ATF1: variants seen among roughly 807,000 people sequenced by gnomAD.
The protein encoded by ATF1 is cyclic AMP-dependent transcription factor ATF-1.
Under a neutral mutation model 34.7 loss-of-function variants are expected in ATF1, and 16 were observed. The observed-to-expected ratio is 0.46, with a 90% CI of 0.31 to 0.70. The LOEUF is 0.70. Among genes scored for constraint, ATF1 ranks in the 30% least tolerant of loss-of-function variants. The pLI, the probability that ATF1 is intolerant of heterozygous loss-of-function variation, is 0.05. For synonymous variants in ATF1, 105 were observed against 113.1 expected (o/e 0.93, Z 0.46); for missense variants, 255 against 321.6 (o/e 0.79, Z 1.58).
intron 3 of ATF1, among the ~76,000 whole-genome samples, chr12:50,805,487 G>C (rs551946552): frequency 6.8e-6 from 1 of 146,804 alleles, no homozygotes; most frequent in South Asian, 2.2e-4. Flanking sequence ...GAGCCTGGGA[G>C]ATCAAGGCTG....
intron 4 of ATF1, among the ~76,000 whole-genome samples, chr12:50,812,104 T>C (rs1023729651): frequency 2.0e-5 from 3 of 152,212 alleles, no homozygotes; most frequent in African/African-American, 7.2e-5. Context: ...ATGGAGCTAA[T>C]ACCCTATCAG....
intron 4 of ATF1, 109 bp from the exon 5 acceptor site, chr12:50,813,901 A>T (rs1407392042): frequency 9.9e-7 from 1 of 1,009,798 alleles, no homozygotes; most frequent in Non-Finnish European, 1.4e-6. Context: ...ACCAAGTAGA[A>T]GTGCATTCAT....
chr12:50,799,938 A>ACTT (rs1941481778), intron 3 of ATF1, among the ~76,000 whole-genome samples: 1 of 152,236 alleles, frequency 6.6e-6, no homozygotes, highest in African/African-American at 2.4e-5. Flanking sequence ...CAGAAAAAAT[A>ACTT]CTTGAAAAAA....
intron 3 of ATF1, chr12:50,806,296 C>T (rs930890845): frequency 3.5e-5 from 13 of 366,746 alleles, no homozygotes; most frequent in Non-Finnish European, 5.9e-5. Flanking sequence ...CGCAGCACAA[C>T]TTATCCTGTT....
intron 3 of ATF1, among the ~76,000 whole-genome samples, chr12:50,805,033 G>A (rs947726510): frequency 2.6e-5 from 4 of 151,710 alleles, no homozygotes; most frequent in Non-Finnish European, 4.4e-5. Flanking sequence ...GGCTGGTTTC[G>A]AGCTCCTGTT....
intron 1 of ATF1, among the ~76,000 whole-genome samples, chr12:50,767,287 G>T (rs1166832175): frequency 6.6e-6 from 1 of 152,106 alleles, no homozygotes; most frequent in Non-Finnish European, 1.5e-5. Context: ...GGAGGCTGAG[G>T]CTGGTGGATC....
chr12:50,814,569 A>G, intron 6 of ATF1, 130 bp downstream of exon 6: 2 of 1,031,098 alleles, frequency 1.9e-6, no homozygotes, highest in Non-Finnish European at 2.8e-6. Context: ...TGGACCACAT[A>G]AATGAATGAC....
intron 2 of ATF1, chr12:50,788,139 A>G: frequency 2.3e-6 from 1 of 431,424 alleles, no homozygotes; most frequent in Non-Finnish European, 4.6e-6. Flanking sequence ...AATGTGGCTG[A>G]TAGGTCAAAT....
At chr12:50,812,182 T>C (rs1352056766) in intron 4 of ATF1, among the ~76,000 whole-genome samples, 1 of 152,222 alleles carries the variant, frequency 6.6e-6, no homozygotes, top group Non-Finnish European at 1.5e-5. Flanking sequence ...CAGGAAGATA[T>C]GTTGCAAAAA....
intron 1 of ATF1, among the ~76,000 whole-genome samples, chr12:50,764,833 G>C (rs757441688): frequency 6.6e-6 from 1 of 152,258 alleles, no homozygotes; most frequent in Non-Finnish European, 1.5e-5. Flanking sequence ...ACCGACGCAC[G>C]GGCATTGCGC....
intron 2 of ATF1, chr12:50,788,258 C>T (rs946182341): frequency 6.6e-6 from 3 of 452,770 alleles, no homozygotes; most frequent in African/African-American, 6.0e-5. Context: ...ACATAGCTCA[C>T]TGCAGCCTTG....
intron 1 of ATF1, among the ~76,000 whole-genome samples, chr12:50,765,436 C>T (rs1256630656): frequency 6.6e-6 from 1 of 152,186 alleles, no homozygotes; most frequent in African/African-American, 2.4e-5. Context: ...CTGTCCATTC[C>T]TACCCGATCA....
intron 2 of ATF1, among the ~76,000 whole-genome samples, chr12:50,785,093 G>C (rs1035839646): frequency 6.9e-6 from 1 of 145,606 alleles, no homozygotes; most frequent in African/African-American, 2.6e-5. Flanking sequence ...AGCCAAGATT[G>C]ACGTCACAGT....
intron 6 of ATF1, among the ~76,000 whole-genome samples, chr12:50,819,342 G>C (rs1166607642): frequency 6.6e-6 from 1 of 152,138 alleles, no homozygotes; most frequent in Non-Finnish European, 1.5e-5. Flanking sequence ...ACTAATCTCT[G>C]GTGATAAAAA....
intron 2 of ATF1, among the ~76,000 whole-genome samples, 195 bp downstream of exon 2, chr12:50,780,433 C>T (rs1249471678): frequency 2.6e-5 from 4 of 151,702 alleles, no homozygotes; most frequent in Non-Finnish European, 4.4e-5. Context: ...CAACCTCCAC[C>T]TCCTGGGTTC....
At chr12:50,773,135 T>C (rs1940819374) in intron 1 of ATF1, among the ~76,000 whole-genome samples, 1 of 152,210 alleles carries the variant, frequency 6.6e-6, no homozygotes, top group Non-Finnish European at 1.5e-5. Context: ...TTCCATGATA[T>C]ATATGTACAT....
intron 4 of ATF1, among the ~76,000 whole-genome samples, chr12:50,810,061 G>C (rs1941702773): frequency 1.3e-5 from 2 of 150,738 alleles, no homozygotes; most frequent in Admixed American, 6.6e-5. Flanking sequence ...CTCGAACTTT[G>C]ACCTCAGGTG....
At chr12:50,816,360 G>C (rs1941843128) in intron 6 of ATF1, among the ~76,000 whole-genome samples, 1 of 151,814 alleles carries the variant, frequency 6.6e-6, no homozygotes, top group South Asian at 2.1e-4. Context: ...CAGAGACTGG[G>C]AACGGTGAGG....
chr12:50,807,943 G>A (rs1001111575), intron 3 of ATF1, among the ~76,000 whole-genome samples: 4 of 151,848 alleles, frequency 2.6e-5, no homozygotes, highest in African/African-American at 9.7e-5. Context: ...CCAAGTAGCT[G>A]GAATTACAGG....
Sources: gnomAD v4.1 joint callset for allele counts (sites outside exome capture counted in the v4.1 genomes callset) on GRCh38, gnomAD v4.1.1 for gene constraint, MANE v1.5 for transcripts, NCBI Gene and HGNC (gene_info 2026-07-23, HGNC 2026-07-21) for gene names.